The following ESRRG variants were observed in gnomAD, a reference collection of about 807,000 sequenced individuals.
The protein encoded by ESRRG is estrogen related receptor gamma, also known as estrogen-related receptor gamma.
ESRRG carries 13 observed loss-of-function variants against 44.0 expected under a neutral mutation model. That is an observed-to-expected ratio of 0.30 (90% CI 0.19 to 0.47). The LOEUF (loss-of-function observed/expected upper bound fraction) is 0.47, where lower values mean the gene tolerates loss of function less well. Ranked by LOEUF, ESRRG falls within the 20% of genes least tolerant of loss-of-function variation. The pLI is 1.00. For synonymous variants in ESRRG, 215 were observed against 214.6 expected (o/e 1.00, Z -0.02); for missense variants, 395 against 580.6 (o/e 0.68, Z 3.29).
intron 1 of ESRRG, among the ~76,000 whole-genome samples, chr1:217,099,279 C>T (rs1354242287): frequency 6.6e-6 from 1 of 152,060 alleles, no homozygotes; most frequent in Non-Finnish European, 1.5e-5. Context: ...CTTTTCCAAT[C>T]CTACTTATCC....
intron 5 of ESRRG, among the ~76,000 whole-genome samples, chr1:216,549,278 C>G (rs961875714): frequency 2.6e-5 from 4 of 151,736 alleles, no homozygotes; most frequent in African/African-American, 9.7e-5. Flanking sequence ...ACCGTAAGAT[C>G]AGTGATGGAA....
intron 2 of ESRRG, among the ~76,000 whole-genome samples, chr1:216,658,478 C>A (rs985218074): frequency 2.0e-5 from 3 of 151,834 alleles, no homozygotes; most frequent in Non-Finnish European, 1.5e-5. Flanking sequence ...TATTACTTTG[C>A]ATACAGTTGA....
intron 2 of ESRRG, among the ~76,000 whole-genome samples, chr1:216,674,182 G>A (rs966779898): frequency 6.6e-6 from 1 of 152,168 alleles, no homozygotes; most frequent in Admixed American, 6.5e-5. Flanking sequence ...AAAGATTTGA[G>A]GTGTGCTTTC....
At chr1:216,995,204 T>C (rs2076231361) in intron 1 of ESRRG, among the ~76,000 whole-genome samples, 1 of 152,166 alleles carries the variant, frequency 6.6e-6, no homozygotes, top group Non-Finnish European at 1.5e-5. Flanking sequence ...TGTTCTTCTA[T>C]TCTCTTTATA....
At chr1:216,830,919 A>C (rs917886196) in intron 2 of ESRRG, among the ~76,000 whole-genome samples, 1 of 152,156 alleles carries the variant, frequency 6.6e-6, no homozygotes, top group Admixed American at 6.5e-5. Context: ...CTGAAATGTC[A>C]TAATACCCCC....
intron 1 of ESRRG, among the ~76,000 whole-genome samples, chr1:216,957,287 A>G (rs370161979): frequency 3.7e-4 from 57 of 152,266 alleles, no homozygotes; most frequent in African/African-American, 1.3e-3. Flanking sequence ...ATAGTTTTGA[A>G]TACCATATAT....
At position 217,106,425 on chromosome 1, in the gene ESRRG, G is replaced by A. The variant is rs12031551; in HGVS notation, c.-230+31242C>T. Reference sequence around the variant, plus strand: ...ACACACACACACACACACACGACCTGGTCTCAGCCTTTTTATTTTTTAAGC... The same window carrying A: ...ACACACACACACACACACACGACCTAGTCTCAGCCTTTTTATTTTTTAAGC... On this transcript the variant is annotated intron_variant, in intron 1 of 8. Transcript: ENST00000366940. 0.011 allele frequency among the ~76,000 whole-genome samples: 1,722 copies of A among 150,906 alleles called. 101 individuals are homozygous for A. The East Asian group carries it at 0.16, about 14-fold the overall frequency.
At chr1:216,919,318 C>T (rs879614453) in intron 2 of ESRRG, among the ~76,000 whole-genome samples, 4 of 152,096 alleles carry the variant, frequency 2.6e-5, no homozygotes, top group Non-Finnish European at 5.9e-5. Flanking sequence ...AAATGTCATC[C>T]ATGTGGCACG....
chr1:216,718,361 C>A (rs2085366885), intron 1 of ESRRG, among the ~76,000 whole-genome samples: 1 of 151,872 alleles, frequency 6.6e-6, no homozygotes, highest in South Asian at 2.1e-4. Flanking sequence ...CAAATATACT[C>A]CTGGGTATCC....
At chr1:216,837,093 G>C (rs2095576735) in intron 2 of ESRRG, among the ~76,000 whole-genome samples, 1 of 146,822 alleles carries the variant, frequency 6.8e-6, no homozygotes, top group Non-Finnish European at 1.5e-5. Flanking sequence ...CACAGGTAAA[G>C]ATATATTCTA....
intron 2 of ESRRG, among the ~76,000 whole-genome samples, chr1:216,837,166 T>C (rs1386911025): frequency 6.6e-6 from 1 of 151,964 alleles, no homozygotes; most frequent in East Asian, 1.9e-4. Flanking sequence ...TCCTAACACT[T>C]TGGGAGGCCG....
chr1:217,088,550 CA>C (rs2092237579), intron 1 of ESRRG, among the ~76,000 whole-genome samples: 3 of 151,862 alleles, frequency 2.0e-5, no homozygotes, highest in Admixed American at 2.0e-4. Flanking sequence ...ACAACACAAA[CA>C]TAGCAAACGT....
intron 1 of ESRRG, among the ~76,000 whole-genome samples, chr1:217,057,511 A>C (rs1003824979): frequency 1.4e-4 from 22 of 152,270 alleles, no homozygotes; most frequent in African/African-American, 5.1e-4. Context: ...CAAACTACCA[A>C]AGAACATGAC....
intron 2 of ESRRG, among the ~76,000 whole-genome samples, chr1:216,731,776 A>G (rs1428903994): frequency 6.6e-6 from 1 of 152,216 alleles, no homozygotes; most frequent in Non-Finnish European, 1.5e-5. Flanking sequence ...GGACATTGAA[A>G]TCCTGGGGCT....
chr1:216,885,183 T>C (rs1203894038), intron 2 of ESRRG, among the ~76,000 whole-genome samples: 6 of 149,778 alleles, frequency 4.0e-5, no homozygotes. Context: ...TTCATTTAAA[T>C]AAAAATAGAA....
chr1:216,507,819 A>G (rs1558147958), intron 6 of ESRRG, among the ~76,000 whole-genome samples: 1 of 152,194 alleles, frequency 6.6e-6, no homozygotes, highest in Non-Finnish European at 1.5e-5. Flanking sequence ...CAGATCACTG[A>G]GTTCTGAAAT....
At chr1:217,003,598 T>C (rs936170317) in intron 1 of ESRRG, among the ~76,000 whole-genome samples, 1 of 149,524 alleles carries the variant, frequency 6.7e-6, no homozygotes, top group African/African-American at 2.4e-5. Flanking sequence ...TATTAATTAA[T>C]ATTAATATTA....
chr1:216,537,418 C>A (rs541704217), intron 5 of ESRRG, among the ~76,000 whole-genome samples: 6 of 151,960 alleles, frequency 3.9e-5, no homozygotes, highest in Non-Finnish European at 5.9e-5. Flanking sequence ...ACAGCCCAAA[C>A]GGACTAGAAC....
At chr1:216,513,794 G>A (rs1219860253) in intron 6 of ESRRG, among the ~76,000 whole-genome samples, 1 of 151,878 alleles carries the variant, frequency 6.6e-6, no homozygotes, top group Non-Finnish European at 1.5e-5. Context: ...ACTTTTCCAG[G>A]GGGTTTTTAA....
Sources: allele counts gnomAD v4.1 joint callset (sites outside exome capture counted in the v4.1 genomes callset), GRCh38; gene constraint gnomAD v4.1.1; transcripts MANE v1.5; gene names NCBI Gene and HGNC (gene_info 2026-07-23, HGNC 2026-07-21).